CERT1: variants seen among roughly 807,000 people sequenced by gnomAD.
CERT1 encodes ceramide transfer protein.
CERT1 carries 31 observed loss-of-function variants against 87.9 expected under a neutral mutation model. The observed-to-expected ratio is 0.35, with a 90% confidence interval of 0.27 to 0.48. The LOEUF (loss-of-function observed/expected upper bound fraction) is 0.48. Ranked by LOEUF, CERT1 falls within the 20% of genes least tolerant of loss-of-function variation. CERT1 has a pLI of 0.99. For missense variants in CERT1, 487 were observed against 758.0 expected, an observed-to-expected ratio of 0.64 and a Z score of 4.20; for synonymous variants, 289 against 250.9, an observed-to-expected ratio of 1.15 and a Z score of -1.44.
At chr5:75,497,859 C>T (rs995349990) in intron 2 of CERT1, among the ~76,000 whole-genome samples, 2 of 152,064 alleles carry the variant, frequency 1.3e-5, no homozygotes, top group Non-Finnish European at 2.9e-5. Flanking sequence ...GTGGAAGCAA[C>T]TCTGGAATTG....
downstream of CERT1, chr5:75,374,609 A>T: frequency 1.5e-6 from 1 of 681,914 alleles, no homozygotes; most frequent in East Asian, 3.0e-5. Context: ...AGGTCGCAGC[A>T]GTCAGGGACA....
At chr5:75,431,965 G>C (rs938644108) in intron 3 of CERT1, among the ~76,000 whole-genome samples, 1 of 151,782 alleles carries the variant, frequency 6.6e-6, no homozygotes, top group Non-Finnish European at 1.5e-5. Context: ...TGGTAGTTCT[G>C]TTTTAAGTTG....
intron 11 of CERT1, among the ~76,000 whole-genome samples, chr5:75,393,040 AC>A (rs1332037719): frequency 2.7e-5 from 4 of 150,592 alleles, no homozygotes; most frequent in Non-Finnish European, 4.4e-5. Context: ...TAAAAAAAAA[AC>A]AAAAACAAAA....
chr5:75,400,403 T>A, intron 9 of CERT1, 106 bp from the exon 10 acceptor site: 1 of 720,704 alleles, frequency 1.4e-6, no homozygotes. Context: ...AGTGAACGCC[T>A]TAGTGCTTAT....
intron 2 of CERT1, among the ~76,000 whole-genome samples, chr5:75,501,023 C>G (rs1223701606): frequency 1.3e-5 from 2 of 150,376 alleles, no homozygotes; most frequent in Admixed American, 1.3e-4. Flanking sequence ...GGGTCTCACT[C>G]TGTCTCCCAG....
chr5:75,385,220 C>T (rs1761736578), intron 13 of CERT1, among the ~76,000 whole-genome samples: 1 of 152,102 alleles, frequency 6.6e-6, no homozygotes. Flanking sequence ...CATCTGTAAT[C>T]CCAGCACTTT....
At chr5:75,445,738 C>T (rs1764508692) in intron 3 of CERT1, among the ~76,000 whole-genome samples, 1 of 152,180 alleles carries the variant, frequency 6.6e-6, no homozygotes, top group Non-Finnish European at 1.5e-5. Context: ...AAATGATCCA[C>T]CTGCCTCTAC....
chr5:75,450,279 A>G (rs969648687), intron 3 of CERT1, among the ~76,000 whole-genome samples: 3 of 152,132 alleles, frequency 2.0e-5, no homozygotes, highest in African/African-American at 7.2e-5. Flanking sequence ...GGCATGCCTC[A>G]TTATACTCTC....
chr5:75,429,439 G>A (rs981014356), intron 3 of CERT1, among the ~76,000 whole-genome samples: 7 of 152,162 alleles, frequency 4.6e-5, no homozygotes, highest in Non-Finnish European at 1.0e-4. Flanking sequence ...CTAACGTCAG[G>A]TGATCCACCT....
intron 2 of CERT1, among the ~76,000 whole-genome samples, chr5:75,490,599 T>C (rs1187240470): frequency 2.6e-5 from 4 of 151,986 alleles, no homozygotes; most frequent in Non-Finnish European, 4.4e-5. Context: ...CCTGGGTTCA[T>C]GCCCTTCTCC....
chr5:75,423,528 C>G (rs1422989763), intron 5 of CERT1, among the ~76,000 whole-genome samples: 2 of 152,094 alleles, frequency 1.3e-5, no homozygotes, highest in Non-Finnish European at 2.9e-5. Flanking sequence ...TCCCTTGAGG[C>G]CAGGAGTTTA....
Position 75,426,295 on chromosome 5 carries a change from C to T in CERT1, c.456+76G>A, listed in dbSNP as rs564772250. On this transcript the variant is annotated intron_variant, in intron 4 of 16. Transcript: ENST00000643780. ...AAAAAGTTTGTTCAAAAAATTATCACATATGTTCTGTTCACAACATCCAAT... is the reference window on the plus strand; with the variant it reads ...AAAAAGTTTGTTCAAAAAATTATCATATATGTTCTGTTCACAACATCCAAT... 19 of 1,015,798 alleles carry T rather than the reference C, an allele frequency of 1.9e-5. No homozygotes were observed. The South Asian group carries it at 2.4e-4, about 13-fold the overall frequency. 62.9% of individuals were successfully genotyped at this position (1,015,798 alleles called of 1,614,324 possible).
intron 7 of CERT1, among the ~76,000 whole-genome samples, chr5:75,415,966 C>A (rs1763117241): frequency 6.6e-6 from 1 of 152,164 alleles, no homozygotes; most frequent in Non-Finnish European, 1.5e-5. Context: ...TGCACTTGTG[C>A]ATTCTGAACA....
downstream of CERT1, chr5:75,374,890 G>A (rs1042005016): frequency 2.6e-6 from 1 of 388,362 alleles, no homozygotes; most frequent in East Asian, 7.0e-5. Flanking sequence ...ATTGCATGCT[G>A]AGTGTATCTG....
At chr5:75,374,986 A>G (rs1761236902), downstream of CERT1, 1 of 238,416 alleles carries the variant, frequency 4.2e-6, no homozygotes, top group Non-Finnish European at 8.3e-6. Context: ...AAGCTTATTC[A>G]TGTAAATCAA....
At position 75,501,382 on chromosome 5, in the gene CERT1, G is replaced by T. The variant is rs183869173; in HGVS notation, c.231+4600C>A. Among the ~76,000 whole-genome samples the T allele has an allele frequency of 7.2e-5, 11 of 152,044 alleles. No individual in the cohort carries two copies. The East Asian group carries it at 1.7e-3, about 24-fold the overall frequency. ...TTTCCCTAAAACCAACCTATGATAA[G>T]AATAATAGGAATTCTACTCATCTGG... On this transcript the variant is annotated intron_variant, in intron 2 of 16. Coordinates refer to ENST00000643780, the MANE Select transcript of CERT1 (RefSeq NM_001379029.1).
At chr5:75,464,084 A>G (rs1453966016) in intron 2 of CERT1, among the ~76,000 whole-genome samples, 1 of 152,210 alleles carries the variant, frequency 6.6e-6, no homozygotes, top group Non-Finnish European at 1.5e-5. Context: ...TTTATGCAAA[A>G]GAAACCATAA....
upstream of CERT1, chr5:75,511,882 C>T (rs1768033167): frequency 2.0e-6 from 3 of 1,492,076 alleles, no homozygotes; most frequent in Non-Finnish European, 2.7e-6. Context: ...GCGCAGCCTC[C>T]TGGGAGTTGT....
rs1309264825 is a variant in CERT1 at position 75,440,825 on chromosome 5, A to G, written c.349-14347T>C. ...TGGTACCATAGAAGTAGAGGGCCAT[A>G]ACAGCTGCCCCCATTCTCTGCTTGG... On this transcript the variant is annotated intron_variant, in intron 3 of 16. Transcript: ENST00000643780. 2.0e-5 allele frequency among the ~76,000 whole-genome samples: 3 copies of G among 152,122 alleles called. No homozygotes were observed. In the East Asian group the frequency reaches 5.8e-4, roughly 29 times the overall value.
Sources: allele counts gnomAD v4.1 joint callset (sites outside exome capture counted in the v4.1 genomes callset), GRCh38; gene constraint gnomAD v4.1.1; transcripts MANE v1.5; gene names NCBI Gene and HGNC (gene_info 2026-07-23, HGNC 2026-07-21).